DOC2A: variants seen among roughly 807,000 people sequenced by gnomAD.
DOC2A encodes double C2 domain alpha, also known as double C2-like domain-containing protein alpha.
In DOC2A, 28 loss-of-function variants were observed where a neutral mutation model predicts 40.6. The observed-to-expected ratio is 0.69, with a 90% confidence interval of 0.51 to 0.95. DOC2A has a LOEUF of 0.95. Ranked by LOEUF, DOC2A falls within the 40% of genes least tolerant of loss-of-function variation. DOC2A has a pLI of 0.00. For synonymous variants in DOC2A, 241 were observed against 236.9 expected (o/e 1.02, Z -0.16); for missense variants, 474 against 552.5 (o/e 0.86, Z 1.42).
chr16:30,008,889 G>T, intron 5 of DOC2A, 107 bp downstream of exon 5: 1 of 808,004 alleles, frequency 1.2e-6, no homozygotes, highest in South Asian at 1.4e-5. Context: ...GATGGTTCTT[G>T]AGCATCAGAG....
chr16:30,006,874 C>T lies in DOC2A; in HGVS notation c.789G>A (p.Ser263=), dbSNP rs1003018007. ...GRILLSLSYS[S]RRRGLLVGIL... ...TGCCTACCAGCAGTCCCCGGCGCCG[C>T]GAGCTGTAGCTGAGACTCAGCAGGA... Residue 263 remains serine, a synonymous_variant, in exon 8 of 11, where the codon TCG becomes TCA. Transcript: ENST00000350119. The surrounding 1 kb of genome is among the most constrained non-coding windows in gnomAD (Gnocchi z 6.2). 8.7e-6 allele frequency: 14 copies of T among 1,613,408 alleles called. No individual in the cohort carries two copies. Among genetic ancestry groups the T allele is most frequent in the African/African-American group, 8.0e-5 (6 of 74,896 alleles).
chr16:30,005,635 G>T lies in DOC2A; in HGVS notation c.*551C>A. On this transcript the variant is annotated 3_prime_UTR_variant, in exon 11 of 11. Transcript: ENST00000350119. The stretch of plus-strand genomic sequence containing the variant: ...GGCAGGGGCCCTGCCTTCAAACCCC[G>T]GCCCCCTCCAGGGGACAGTTATTTA... 1.6e-6 allele frequency: 1 copy of T among 612,438 alleles called. No homozygotes were observed. The highest frequency in any genetic ancestry group is 2.8e-6 in the Non-Finnish European group (1 of 351,750). 37.9% of individuals were successfully genotyped at this position (612,438 alleles called of 1,614,324 possible). A position where few individuals can be genotyped will look rare whatever the true frequency, so the allele number is the denominator to read the frequency against.
rs1596707216 is a variant in DOC2A at position 30,010,392 on chromosome 16, C to G, written c.-13-157G>C. 3.0e-6 allele frequency: 3 copies of G among 1,003,562 alleles called. No individual in the cohort carries two copies. Among genetic ancestry groups the G allele is most frequent in the Non-Finnish European group, 4.5e-6 (3 of 664,216 alleles). The allele number at this position is 1,003,562 out of a possible 1,614,324, so 62.2% of individuals were successfully genotyped here. A position where few individuals can be genotyped will look rare whatever the true frequency, so the allele number is the denominator to read the frequency against. Reference sequence around the variant, plus strand: ...GTGCCAGCCGGTGGCAGGTGGGAGGCCTGGGCCCTGCAGACCCCAAGCTGA... The same window carrying G: ...GTGCCAGCCGGTGGCAGGTGGGAGGGCTGGGCCCTGCAGACCCCAAGCTGA... On this transcript the variant is annotated intron_variant, in intron 1 of 10. Transcript: ENST00000350119. The surrounding 1 kb of genome is among the most constrained non-coding windows in gnomAD (Gnocchi z 4.2).
upstream of DOC2A, among the ~76,000 whole-genome samples, chr16:30,013,024 CCT>C (rs1401545597): frequency 6.6e-6 from 1 of 151,186 alleles, no homozygotes; most frequent in Non-Finnish European, 1.5e-5. Context: ...AACAAAAAAC[CCT>C]GAGATATCAC....
rs1392651629 is a variant in DOC2A at position 30,007,358 on chromosome 16, AG to A, written c.528-60del. The A allele has an allele frequency of 4.3e-6, 7 of 1,611,826 alleles. No individual in the cohort carries two copies. In the African/African-American group the frequency reaches 9.3e-5, roughly 22 times the overall value. On this transcript the variant is annotated intron_variant, in intron 5 of 10. Coordinates refer to ENST00000350119, the MANE Select transcript of DOC2A (RefSeq NM_003586.3). ...GTACCTGAGCCCCGTTCCGGGGTGT[AG>A]GAAGGGCCTTGGACCAGCCCAGCTC...
upstream of DOC2A, chr16:30,013,664 C>CT (rs1388160413): frequency 6.9e-6 from 1 of 144,348 alleles, no homozygotes; most frequent in Non-Finnish European, 1.5e-5. Context: ...AGGATTTTAT[C>CT]TTACAGATAT....
rs778631184 is a variant in DOC2A at position 30,007,187 on chromosome 16, C to T, written c.640G>A (p.Glu214Lys). 5.0e-6 allele frequency: 8 copies of T among 1,613,834 alleles called. No individual in the cohort carries two copies. Among genetic ancestry groups the T allele is most frequent in the South Asian group, 3.3e-5 (3 of 91,074 alleles). ...SQKKHFNICLERQVPLASPSS... is the reference protein window; with the variant it reads ...SQKKHFNICLKRQVPLASPSS... Reference sequence around the variant, plus strand: ...CCCACACAGACCGGGACCTGGCGCTCGAGGCAGATGTTAAAATGCTTCTTC... The same window carrying T: ...CCCACACAGACCGGGACCTGGCGCTTGAGGCAGATGTTAAAATGCTTCTTC... The change falls in exon 6 of 11, where the codon GAG becomes AAG. Residue 214 changes from glutamate to lysine, a missense_variant. Transcript: ENST00000350119.
Position 30,006,278 on chromosome 16 carries a change from C to T in DOC2A, c.1111G>A (p.Asp371Asn). The T allele has an allele frequency of 1.2e-6, 2 of 1,607,074 alleles. No homozygotes were observed. Among genetic ancestry groups the T allele is most frequent in the Non-Finnish European group, 1.7e-6 (2 of 1,177,480 alleles). The change falls in exon 11 of 11, where the codon GAC becomes AAC. Residue 371 changes from aspartate to asparagine, a missense_variant. Coordinates refer to ENST00000350119, the MANE Select transcript of DOC2A (RefSeq NM_003586.3). The surrounding 1 kb of genome is among the most constrained non-coding windows in gnomAD (Gnocchi z 6.2). ...ARGEARKHWS[D>N]CLQQPDAALE... ...GCTGCGTCCGGCTGCTGCAGGCAGT[C>T]ACTCCAGTGCTTCCGAGCCTCGCCT...
At chr16:30,018,591 C>T (rs1460021386) in intron 1 of DOC2A, 1 of 152,174 alleles carries the variant, frequency 6.6e-6, no homozygotes, top group Non-Finnish European at 1.5e-5. Context: ...GGACCATCCA[C>T]TGAGACGAAA....
At chr16:30,016,020 AATATATATATATATATAT>A (rs1161591964), upstream of DOC2A, among the ~76,000 whole-genome samples, 116 of 61,148 alleles carry the variant, frequency 1.9e-3, 1 homozygote, top group African/African-American at 3.8e-3. Context: ...CCAGCACAAT[AATATATATATATATATAT>A]ATATATATAT....
At position 30,006,666 on chromosome 16, in the gene DOC2A, G is replaced by C. The variant is rs1170313086; in HGVS notation, c.890C>G (p.Pro297Arg). ...SDPYVKTYLR[P>R]DVDKKSKHKT... ...ATGCTTGGATTTCTTGTCCACATCG[G>C]GCCTCAGGTACCTGGGGGTGGGGTG... Residue 297 changes from proline (P) to arginine (R), a missense_variant, in exon 9 of 11, where the codon CCC (proline) becomes CGC (arginine). Transcript: ENST00000350119. The surrounding 1 kb of genome is among the most constrained non-coding windows in gnomAD (Gnocchi z 6.2). 1 of 1,613,682 alleles carries C rather than the reference G, an allele frequency of 6.2e-7. No individual in the cohort carries two copies. Among genetic ancestry groups the C allele is most frequent in the East Asian group, 2.2e-5 (1 of 44,804 alleles).
At chr16:30,008,226 T>C (rs984474358) in intron 5 of DOC2A, 2 of 152,900 alleles carry the variant, frequency 1.3e-5, no homozygotes, top group Non-Finnish European at 2.9e-5. Flanking sequence ...GCAAGTTCCC[T>C]GTCCCTGAAG....
At chr16:30,020,057 T>C (rs1469043959) in intron 1 of DOC2A, among the ~76,000 whole-genome samples, 1 of 152,130 alleles carries the variant, frequency 6.6e-6, no homozygotes, top group African/African-American at 2.4e-5. Flanking sequence ...TACAGGCGCA[T>C]GCTACCGCAC....
At chr16:30,013,809 G>C (rs1341569330), upstream of DOC2A, among the ~76,000 whole-genome samples, 1 of 151,628 alleles carries the variant, frequency 6.6e-6, no homozygotes, top group Non-Finnish European at 1.5e-5. Context: ...CTGCCTCCTG[G>C]GTTCAAGCAA....
At position 30,006,225 on chromosome 16, in the gene DOC2A, A is replaced by G; in HGVS notation, c.1164T>C (p.Ser388=). The G allele has an allele frequency of 1.3e-6, 2 of 1,591,634 alleles. No individual in the cohort carries two copies. The highest frequency in any genetic ancestry group is 1.7e-6 in the Non-Finnish European group (2 of 1,170,448). ...GAGCCCCGGCCGCAGGGGGCAGCTC[A>G]CTGGTCAGGGTGTGCCAGCGCTCCA... is the stretch of plus-strand genomic sequence containing the variant. ...AALERWHTLT[S]ELPPAAGALS... is the part of the protein sequence containing the mutation. The change falls in exon 11 of 11, where the codon AGT becomes AGC. Residue 388 remains serine, a synonymous_variant. Transcript: ENST00000350119. The surrounding 1 kb of genome is among the most constrained non-coding windows in gnomAD (Gnocchi z 6.2).
At chr16:30,008,500 G>A (rs77070948) in intron 5 of DOC2A, 8,358 of 174,772 alleles carry the variant, frequency 0.048, 291 homozygotes, top group Middle Eastern at 0.1. Context: ...TGTTTGAGGG[G>A]CAGAAGATAC....
At position 30,009,961 on chromosome 16, in the gene DOC2A, T is replaced by C. The variant is rs1266924716; in HGVS notation, c.262A>G (p.Thr88Ala). The C allele has an allele frequency of 6.2e-7, 1 of 1,610,276 alleles. No individual in the cohort carries two copies. Among genetic ancestry groups the C allele is most frequent in the Non-Finnish European group, 8.5e-7 (1 of 1,179,352 alleles). ...EVDSYDSDDA[T>A]ALGTLEFDLL... ...GGGGCCTCCAAGCCCCCAGACTCAC[T>C]GGCATCATCCGAGTCATAGCTGTCC... The change falls in exon 2 of 11, where the codon ACC (threonine) becomes GCC (alanine). Residue 88 changes from threonine to alanine, a missense_variant and splice_region_variant. Thr to Ala is a moderately conservative substitution (Grantham distance 58). Coordinates refer to ENST00000350119, the MANE Select transcript of DOC2A (RefSeq NM_003586.3). The surrounding 1 kb of genome is among the most constrained non-coding windows in gnomAD (Gnocchi z 4.1).
chr16:30,012,418 C>T (rs1361831287), upstream of DOC2A: 1 of 152,144 alleles, frequency 6.6e-6, no homozygotes, highest in Non-Finnish European at 1.5e-5. Context: ...ACGAAGTCGG[C>T]ATCTCTAAGT....
Position 30,006,855 on chromosome 16 carries a change from C to G in DOC2A, c.808G>C (p.Val270Leu). The change falls in exon 8 of 11, where the codon GTA (valine) becomes CTA (leucine). Residue 270 changes from valine (V) to leucine (L), a missense_variant. Transcript: ENST00000350119. This position sits in a 1 kb window ranked among gnomAD's most constrained non-coding sequence, Gnocchi z 6.2. ...SYSSRRRGLL[V>L]GILRCAHLAA... ...AGATGGGCGCAGCGCAAGATGCCTA[C>G]CAGCAGTCCCCGGCGCCGCGAGCTG... The G allele has an allele frequency of 6.2e-7, 1 of 1,613,704 alleles. No homozygotes were observed. The highest frequency in any genetic ancestry group is 8.5e-7 in the Non-Finnish European group (1 of 1,179,804).
Sources: gnomAD v4.1 joint callset for allele counts (sites outside exome capture counted in the v4.1 genomes callset) on GRCh38, gnomAD v4.1.1 for gene constraint, Gnocchi (gnomAD v3.1) non-coding constraint, MANE v1.5 for transcripts, NCBI Gene and HGNC (gene_info 2026-07-23, HGNC 2026-07-21) for gene names.